Variants in STOM observed in about 807,000 individuals in gnomAD.
STOM encodes stomatin.
A neutral mutation model predicts 30.6 loss-of-function variants in STOM; 25 were observed. The ratio of observed to expected loss-of-function variants is 0.82; its 90% CI spans 0.60 to 1.14. The LOEUF is 1.14. Among genes scored for constraint, STOM ranks in the 50% most tolerant of loss-of-function variants. STOM has a pLI of 0.00. For missense variants in STOM, 292 were observed against 365.2 expected, an observed-to-expected ratio of 0.80 and a Z score of 1.63; for synonymous variants, 118 against 130.8, an observed-to-expected ratio of 0.90 and a Z score of 0.67.
chr9:121,357,441 T>TATATATATATATATATATATATATATA (rs1564631312), intron 1 of STOM, among the ~76,000 whole-genome samples: 916 of 72,358 alleles, frequency 0.013, 20 homozygotes, highest in South Asian at 0.025. Context: ...ATATATATAT[T>TATATATATATATATATATATATATATA]TATTTATTTA....
intron 1 of STOM, chr9:121,365,979 T>C (rs542858927): frequency 5.2e-5 from 17 of 326,954 alleles, no homozygotes; most frequent in African/African-American, 3.6e-4. Flanking sequence ...CAGACTACAC[T>C]TGGGGCAGTA....
At chr9:121,358,152 A>AAT (rs1554831128) in intron 1 of STOM, among the ~76,000 whole-genome samples, 12 of 150,484 alleles carry the variant, frequency 8.0e-5, no homozygotes, top group Middle Eastern at 3.4e-3. Context: ...AAAAAAAAAA[A>AAT]AATAATAATA....
At chr9:121,349,375 T>TTCCTTACAGTTATGTTAAA in intron 4 of STOM, 52 bp from the exon 5 acceptor site, 1 of 1,502,100 alleles carries the variant, frequency 6.7e-7, no homozygotes, top group Non-Finnish European at 9.3e-7. Flanking sequence ...TTTTTTAACA[T>TTCCTTACAGTTATGTTAAA]AACTGTAAGG....
chr9:121,357,271 G>A (rs2064400825), intron 1 of STOM, among the ~76,000 whole-genome samples: 1 of 151,658 alleles, frequency 6.6e-6, no homozygotes, highest in Admixed American at 6.6e-5. Flanking sequence ...TCCTGTTCCT[G>A]TAATATGCAA....
intron 4 of STOM, among the ~76,000 whole-genome samples, chr9:121,352,806 G>A (rs1330177121): frequency 2.0e-5 from 3 of 152,160 alleles, no homozygotes; most frequent in Non-Finnish European, 2.9e-5. Context: ...TCTAAAGCCT[G>A]TGCTCTGGCA....
chr9:121,346,334 T>C (rs1011331600), intron 6 of STOM, among the ~76,000 whole-genome samples: 4 of 152,212 alleles, frequency 2.6e-5, no homozygotes, highest in Non-Finnish European at 4.4e-5. Flanking sequence ...TTGAGGGTTG[T>C]TACCCAGAGT....
At position 121,340,099 on chromosome 9, in the gene STOM, AAAATT is replaced by A. The variant is rs1365847648; in HGVS notation, c.*1098_*1102del. On this transcript the variant is annotated 3_prime_UTR_variant, in exon 7 of 7. Transcript: ENST00000286713. The stretch of plus-strand genomic sequence containing the variant: ...TAGAACGTAGAGAAAATTTTATTAA[AAAATT>A]AAAACTATTTAAAACCTGATATATG... The A allele has an allele frequency of 1.0e-6, 1 of 978,962 alleles. No homozygotes were observed. The highest frequency in any genetic ancestry group is 1.8e-5 in the African/African-American group (1 of 57,124). 60.6% of individuals were successfully genotyped at this position (978,962 alleles called of 1,614,324 possible). A position where few individuals can be genotyped will look rare whatever the true frequency, so the allele number is the denominator to read the frequency against.
At chr9:121,362,178 C>T (rs1392090548) in intron 1 of STOM, among the ~76,000 whole-genome samples, 1 of 152,166 alleles carries the variant, frequency 6.6e-6, no homozygotes, top group Non-Finnish European at 1.5e-5. Flanking sequence ...AACTCACATA[C>T]ATTTTCTAAA....
intron 4 of STOM, among the ~76,000 whole-genome samples, chr9:121,350,640 C>A (rs1289363115): frequency 2.0e-5 from 3 of 152,200 alleles, no homozygotes; most frequent in Non-Finnish European, 2.9e-5. Context: ...GGTTTTTAAC[C>A]CATTTGACCA....
intron 6 of STOM, among the ~76,000 whole-genome samples, chr9:121,346,920 C>G (rs2064294569): frequency 6.6e-6 from 1 of 152,218 alleles, no homozygotes; most frequent in South Asian, 2.1e-4. Flanking sequence ...TATTTTCTAA[C>G]AACAAATTGG....
chr9:121,345,866 C>G (rs1421984052), intron 6 of STOM, among the ~76,000 whole-genome samples: 1 of 152,184 alleles, frequency 6.6e-6, no homozygotes, highest in Non-Finnish European at 1.5e-5. Context: ...ATTTCCACTG[C>G]TACTAATCAA....
At chr9:121,365,827 T>C (rs2064497703) in intron 1 of STOM, among the ~76,000 whole-genome samples, 1 of 152,222 alleles carries the variant, frequency 6.6e-6, no homozygotes, top group Non-Finnish European at 1.5e-5. Context: ...GTAGCCATTA[T>C]TATTACCACA....
At chr9:121,353,416 T>C in intron 3 of STOM, 114 bp from the exon 4 acceptor site, 2 of 549,546 alleles carry the variant, frequency 3.6e-6, no homozygotes, top group East Asian at 3.4e-5. Flanking sequence ...TTCATCTTCG[T>C]GAATGAGCCA....
intron 1 of STOM, 26 bp from the exon 2 acceptor site, chr9:121,356,182 T>C (rs764194091): frequency 2.5e-6 from 4 of 1,581,126 alleles, no homozygotes; most frequent in Non-Finnish European, 3.5e-6. Context: ...AATATACAAC[T>C]CTCACAACTG....
In STOM at chr9:121,348,910, T is replaced by TA. The variant is rs1395542366; in HGVS notation, c.525+209dup. On this transcript the variant is annotated intron_variant, in intron 5 of 6. Transcript: ENST00000286713. ...AAAAAATACACACTGAAGAAAATTT[T>TA]AAAAAAATGTACGCATGAGTGTTAT... Among the ~76,000 whole-genome samples, 3 of 152,058 alleles carry TA rather than the reference T, an allele frequency of 2.0e-5. No homozygotes were observed. In the South Asian group the frequency reaches 6.2e-4, roughly 32 times the overall value.
chr9:121,362,624 T>A (rs765533658), intron 1 of STOM, among the ~76,000 whole-genome samples: 1 of 152,214 alleles, frequency 6.6e-6, no homozygotes, highest in Non-Finnish European at 1.5e-5. Context: ...TATCTTTTGT[T>A]ACTACTCCTA....
chr9:121,370,120 G>C lies in STOM; in HGVS notation c.61+7C>G, dbSNP rs1423622815. On this transcript the variant is annotated splice_region_variant and intron_variant, in intron 1 of 6. Coordinates refer to ENST00000286713, the MANE Select transcript of STOM (RefSeq NM_004099.6). The stretch of plus-strand genomic sequence containing the variant: ...CACGGGGGAGGGTCAGGGGACGCGG[G>C]ACTCACCCTTGAAGGAGTCGGGGAG... 1 of 1,541,470 alleles carries C rather than the reference G, an allele frequency of 6.5e-7. No homozygotes were observed. The highest frequency in any genetic ancestry group is 8.7e-7 in the Non-Finnish European group (1 of 1,144,996).
rs1177507657 is a variant in STOM at position 121,340,345 on chromosome 9, C to G, written c.*857G>C. On this transcript the variant is annotated 3_prime_UTR_variant, in exon 7 of 7. Transcript: ENST00000286713. ...TCTTGGCTATTTCCTCTAGTTCTGA[C>G]AAGTACAGGCAAGAAAATGGCTACT... The G allele has an allele frequency of 3.0e-6, 3 of 985,242 alleles. No individual in the cohort carries two copies. The highest frequency in any genetic ancestry group is 3.6e-6 in the Non-Finnish European group (3 of 829,926). The allele number at this position is 985,242 out of a possible 1,614,324, so 61.0% of individuals were successfully genotyped here. A position where few individuals can be genotyped will look rare whatever the true frequency, so the allele number is the denominator to read the frequency against.
chr9:121,340,371 C>G lies in STOM; in HGVS notation c.*831G>C. 1.0e-6 allele frequency: 1 copy of G among 985,374 alleles called. No homozygotes were observed. The highest frequency in any genetic ancestry group is 1.2e-6 in the Non-Finnish European group (1 of 829,918). 61.0% of individuals were successfully genotyped at this position (985,374 alleles called of 1,614,324 possible). On this transcript the variant is annotated 3_prime_UTR_variant, in exon 7 of 7. Transcript: ENST00000286713. Reference sequence around the variant, plus strand: ...AAGTACAGGCAAGAAAATGGCTACTCTCAAGTAAGGATTATTCTGAAACAC... The same window carrying G: ...AAGTACAGGCAAGAAAATGGCTACTGTCAAGTAAGGATTATTCTGAAACAC...
Sources: gnomAD v4.1 joint callset for allele counts (sites outside exome capture counted in the v4.1 genomes callset) on GRCh38, gnomAD v4.1.1 for gene constraint, MANE v1.5 for transcripts, NCBI Gene and HGNC (gene_info 2026-07-23, HGNC 2026-07-21) for gene names.